DPP6: variants seen among roughly 807,000 people sequenced by gnomAD.
DPP6 encodes the protein A-type potassium channel modulatory protein DPP6.
DPP6 carries 69 observed loss-of-function variants against 122.6 expected under a neutral mutation model. The observed-to-expected ratio is 0.56, with a 90% CI of 0.46 to 0.69. The LOEUF (loss-of-function observed/expected upper bound fraction) is 0.69, where lower values mean the gene tolerates loss of function less well. Ranked by LOEUF, DPP6 falls within the 30% of genes least tolerant of loss-of-function variation. DPP6 has a pLI of 0.00. For missense variants in DPP6, 928 were observed against 1,116.9 expected (o/e 0.83, Z 2.41); for synonymous variants, 418 against 433.1 (o/e 0.97, Z 0.43).
intron 8 of DPP6, among the ~76,000 whole-genome samples, chr7:154,766,318 A>C (rs1057231223): frequency 5.3e-5 from 8 of 150,856 alleles, no homozygotes; most frequent in African/African-American, 2.0e-4. Flanking sequence ...CCCTTCTTTT[A>C]TTTTATTTTA....
chr7:154,206,539 C>T (rs1209350067), intron 1 of DPP6, among the ~76,000 whole-genome samples: 2 of 152,228 alleles, frequency 1.3e-5, no homozygotes, highest in East Asian at 1.9e-4. Flanking sequence ...TGTCCAAGCC[C>T]GTATAGCTGA....
At chr7:154,569,783 C>A (rs944164190) in intron 5 of DPP6, among the ~76,000 whole-genome samples, 1 of 151,506 alleles carries the variant, frequency 6.6e-6, no homozygotes, top group Non-Finnish European at 1.5e-5. Context: ...TAATTATAAT[C>A]TCTTCAATCT....
At position 154,218,925 on chromosome 7, in the gene DPP6, A is replaced by G. The variant is rs577390199; in HGVS notation, c.243+165862A>G. Among the ~76,000 whole-genome samples, 5 of 152,348 alleles carry G rather than the reference A, an allele frequency of 3.3e-5. No individual in the cohort carries two copies. The South Asian group carries it at 1.0e-3, about 32-fold the overall frequency. Reference sequence around the variant, plus strand: ...AGCTAGTGCTAGAATTTAATGAATGAATGATTTGACTTGAGATCAGAAATT... The same window carrying G: ...AGCTAGTGCTAGAATTTAATGAATGGATGATTTGACTTGAGATCAGAAATT... On this transcript the variant is annotated intron_variant, in intron 1 of 25. Coordinates refer to ENST00000377770, the MANE Select transcript of DPP6 (RefSeq NM_130797.4).
chr7:153,761,652 A>G, the DPP6 span, among the ~76,000 whole-genome samples: 1 of 152,198 alleles, frequency 6.6e-6, no homozygotes, highest in Non-Finnish European at 1.5e-5. Context: ...AAAAGCTAAT[A>G]AAATCAAGAA....
chr7:153,833,176 C>T, the DPP6 span, among the ~76,000 whole-genome samples: 1 of 152,196 alleles, frequency 6.6e-6, no homozygotes, highest in African/African-American at 2.4e-5. Context: ...CTTGCCTGTG[C>T]TTCAGTGGAA....
intron 1 of DPP6, among the ~76,000 whole-genome samples, chr7:153,902,556 C>T (rs907450514): frequency 1.3e-5 from 2 of 152,080 alleles, no homozygotes; most frequent in South Asian, 2.1e-4. Context: ...GCTTATAGGC[C>T]GGGCGTGGTG....
At chr7:153,987,293 C>T (rs10447727) in intron 1 of DPP6, among the ~76,000 whole-genome samples, 1 of 152,190 alleles carries the variant, frequency 6.6e-6, no homozygotes, top group Non-Finnish European at 1.5e-5. Flanking sequence ...AAGACAGCTT[C>T]TAGTACCATG....
At chr7:154,474,607 C>T (rs1032627095) in intron 2 of DPP6, among the ~76,000 whole-genome samples, 2 of 152,172 alleles carry the variant, frequency 1.3e-5, no homozygotes, top group South Asian at 2.1e-4. Context: ...TCTGGATATC[C>T]GTATCTTCCT....
rs530663694 is a variant in DPP6, at chr7:154,853,740, C to T, written c.1667-40C>T. The T allele has an allele frequency of 1.4e-5, 22 of 1,604,758 alleles. No individual in the cohort carries two copies. The East Asian group carries it at 4.0e-4, about 29-fold the overall frequency. On this transcript the variant is annotated intron_variant, in intron 16 of 25. Transcript: ENST00000377770. ...TTGTTCTCGGCTAAACTAATGGCTT[C>T]GTTTTTGTTTTCTTCCTGGCTATTC...
At chr7:154,682,085 A>C (rs1210173983) in intron 7 of DPP6, among the ~76,000 whole-genome samples, 1 of 152,216 alleles carries the variant, frequency 6.6e-6, no homozygotes, top group Non-Finnish European at 1.5e-5. Context: ...ACATTCATGG[A>C]AATTGGAAAA....
intron 1 of DPP6, among the ~76,000 whole-genome samples, chr7:154,128,055 C>G (rs1354737381): frequency 6.7e-6 from 1 of 150,060 alleles, no homozygotes. Context: ...CCTGGCAACA[C>G]AGGAGCAGGC....
chr7:154,196,059 T>C (rs963630461), intron 1 of DPP6, among the ~76,000 whole-genome samples: 4 of 152,252 alleles, frequency 2.6e-5, no homozygotes, highest in African/African-American at 9.6e-5. Context: ...TCTCTAAATA[T>C]CATTTTCGCT....
chr7:154,245,193 TCCTC>T (rs1801894748), intron 1 of DPP6, among the ~76,000 whole-genome samples: 1 of 151,426 alleles, frequency 6.6e-6, no homozygotes, highest in Non-Finnish European at 1.5e-5. Context: ...CCTCAAGTGA[TCCTC>T]CCGCCTCGGC....
chr7:153,752,892 A>G, the DPP6 span, among the ~76,000 whole-genome samples: 3 of 151,318 alleles, frequency 2.0e-5, no homozygotes, highest in African/African-American at 4.9e-5. Context: ...ATTTTTACAC[A>G]TCTGGAAAAG....
Position 154,893,234 on chromosome 7 carries a change from C to T in DPP6, c.*754C>T. ...AGCAGATCGGAAGTAACTGCTCCCT[C>T]CTCAAGGTTGTCTTCAGACGTCTTG... On this transcript the variant is annotated 3_prime_UTR_variant, in exon 26 of 26. Transcript: ENST00000377770. 1 of 274,818 alleles carries T rather than the reference C, an allele frequency of 3.6e-6. No individual in the cohort carries two copies. The highest frequency in any genetic ancestry group is 3.4e-5 in the South Asian group (1 of 29,138). The allele number at this position is 274,818 out of a possible 1,614,324, so 17.0% of individuals were successfully genotyped here.
At chr7:153,984,671 C>G (rs955591425) in intron 1 of DPP6, among the ~76,000 whole-genome samples, 2 of 152,100 alleles carry the variant, frequency 1.3e-5, no homozygotes, top group African/African-American at 4.8e-5. Flanking sequence ...TGTACTGATA[C>G]CATTTGAAAT....
At chr7:154,097,168 G>T (rs1324897727) in intron 1 of DPP6, among the ~76,000 whole-genome samples, 1 of 152,204 alleles carries the variant, frequency 6.6e-6, no homozygotes, top group African/African-American at 2.4e-5. Flanking sequence ...GCTGTAGCCT[G>T]GGTGTACCTG....
chr7:154,347,718 G>A (rs926547568), intron 1 of DPP6, among the ~76,000 whole-genome samples: 2 of 152,226 alleles, frequency 1.3e-5, no homozygotes, highest in African/African-American at 4.8e-5. Context: ...TAGCAACAAT[G>A]GTAGCAGGTG....
At chr7:154,079,646 G>C in intron 1 of DPP6, among the ~76,000 whole-genome samples, 1 of 152,018 alleles carries the variant, frequency 6.6e-6, no homozygotes, top group Non-Finnish European at 1.5e-5. Flanking sequence ...GGTGTGCTGG[G>C]GAAGTGTTGT....
Sources: allele counts gnomAD v4.1 joint callset (sites outside exome capture counted in the v4.1 genomes callset), GRCh38; gene constraint gnomAD v4.1.1; transcripts MANE v1.5; gene names NCBI Gene and HGNC (gene_info 2026-07-23, HGNC 2026-07-21).